The following MC2R variants were observed in gnomAD, a reference collection of about 807,000 sequenced individuals.
MC2R encodes adrenocorticotropic hormone receptor.
A neutral mutation model predicts 9.8 loss-of-function variants in MC2R; 9 were observed. The ratio of observed to expected loss-of-function variants is 0.92; its 90% CI spans 0.55 to 1.60. The LOEUF is 1.60. MC2R is among the 40% of genes most tolerant of loss of function. The pLI, the probability that MC2R is intolerant of heterozygous loss-of-function variation, is 0.00. For synonymous variants in MC2R, 185 were observed against 154.7 expected, an observed-to-expected ratio of 1.20 and a Z score of -1.45; for missense variants, 370 against 389.0, an observed-to-expected ratio of 0.95 and a Z score of 0.41.
Position 13,884,886 on chromosome 18 carries a change from G to C in MC2R, c.633C>G (p.Pro211=). The C allele has an allele frequency of 6.2e-7, 1 of 1,614,084 alleles. No individual in the cohort carries two copies. Among genetic ancestry groups the C allele is most frequent in the Non-Finnish European group, 8.5e-7 (1 of 1,180,006 alleles). The change falls in exon 2 of 2, where the codon CCC becomes CCG. Residue 211 remains proline (P), a synonymous_variant. Transcript: ENST00000327606. ...TGATGGCCCCTTTCATGTTGGCTCTGGGGAGGGTGGAGATCTTCCTGGTGT... is the reference window on the plus strand; with the variant it reads ...TGATGGCCCCTTTCATGTTGGCTCTCGGGAGGGTGGAGATCTTCCTGGTGT... ...RSHTRKISTL[P]RANMKGAITL... is the part of the protein sequence containing the mutation.
intron 1 of MC2R, among the ~76,000 whole-genome samples, chr18:13,892,841 CACACACCA>C (rs756911166): frequency 3.7e-5 from 5 of 136,204 alleles, no homozygotes; most frequent in East Asian, 2.2e-4. Context: ...CACACACACA[CACACACCA>C]CACACACACA....
intron 1 of MC2R, among the ~76,000 whole-genome samples, chr18:13,903,048 T>A (rs1400095958): frequency 6.6e-6 from 1 of 152,170 alleles, no homozygotes; most frequent in Non-Finnish European, 1.5e-5. Context: ...AATAGATGTA[T>A]CTCTAAAGAG....
intron 1 of MC2R, among the ~76,000 whole-genome samples, chr18:13,908,553 T>A (rs1218657958): frequency 6.6e-6 from 1 of 152,202 alleles, no homozygotes; most frequent in Admixed American, 6.5e-5. Context: ...GAAGAGACTT[T>A]AGGGTGATAG....
At position 13,887,251 on chromosome 18, in the gene MC2R, C is replaced by T. The variant is rs150221174; in HGVS notation, c.-128-1605G>A. ...GGAGGGGAAGCCTGTGTGCTGTGTC[C>T]CACCTGCTGGGGAAGCCTCAGGGAT... On this transcript the variant is annotated intron_variant, in intron 1 of 1. Coordinates refer to ENST00000327606, the MANE Select transcript of MC2R (RefSeq NM_000529.2). Among the ~76,000 whole-genome samples the T allele has an allele frequency of 3.4e-3, 394 of 114,934 alleles. 3 individuals carry two copies. The highest frequency in any genetic ancestry group is 0.012 in the African/African-American group (376 of 31,678). 75.4% of individuals were successfully genotyped at this position (114,934 alleles called of 152,430 possible).
intron 1 of MC2R, among the ~76,000 whole-genome samples, chr18:13,886,605 G>A (rs143911779): frequency 2.3e-4 from 35 of 152,292 alleles, no homozygotes; most frequent in African/African-American, 7.9e-4. Flanking sequence ...AACGGTAAAG[G>A]TGCTGATGTA....
intron 1 of MC2R, among the ~76,000 whole-genome samples, chr18:13,886,564 G>A (rs2045277453): frequency 6.6e-6 from 1 of 152,150 alleles, no homozygotes; most frequent in Non-Finnish European, 1.5e-5. Context: ...CGTCTCCCTG[G>A]GTCACTGCCT....
At chr18:13,901,276 C>T (rs779738765) in intron 1 of MC2R, among the ~76,000 whole-genome samples, 6 of 151,740 alleles carry the variant, frequency 4.0e-5, no homozygotes, top group Non-Finnish European at 5.9e-5. Context: ...CTATAAGTGC[C>T]TACATCAAAA....
intron 1 of MC2R, among the ~76,000 whole-genome samples, chr18:13,901,212 C>T (rs963709233): frequency 2.6e-5 from 4 of 151,782 alleles, no homozygotes; most frequent in African/African-American, 9.7e-5. Flanking sequence ...GCAAATACAA[C>T]ATACCCAAAC....
At chr18:13,900,354 A>G (rs2045371598) in intron 1 of MC2R, among the ~76,000 whole-genome samples, 1 of 152,118 alleles carries the variant, frequency 6.6e-6, no homozygotes, top group African/African-American at 2.4e-5. Flanking sequence ...AAGAAGGAAG[A>G]GAACACCAGA....
At position 13,883,296 on chromosome 18, in the gene MC2R, G is replaced by A. The variant is rs1270404999; in HGVS notation, c.*1329C>T. ...CTTAGTGGGGACTTACAATCAGGAT[G>A]TGCTTCTCCTTTAAGCTGATTTTTA... On this transcript the variant is annotated 3_prime_UTR_variant, in exon 2 of 2. Coordinates refer to ENST00000327606, the MANE Select transcript of MC2R (RefSeq NM_000529.2). 6.6e-6 allele frequency: 1 copy of A among 152,246 alleles called. No individual in the cohort carries two copies. Among genetic ancestry groups the A allele is most frequent in the Non-Finnish European group, 1.5e-5 (1 of 68,086 alleles). The allele number at this position is 152,246 out of a possible 1,614,324, so 9.4% of individuals were successfully genotyped here. A position where few individuals can be genotyped will look rare whatever the true frequency, so the allele number is the denominator to read the frequency against.
chr18:13,900,286 A>G (rs1490575250), intron 1 of MC2R, among the ~76,000 whole-genome samples: 1 of 152,138 alleles, frequency 6.6e-6, no homozygotes, highest in Non-Finnish European at 1.5e-5. Context: ...AAAGCAGGGA[A>G]CTAAATCATA....
chr18:13,901,417 A>T (rs2045379224), intron 1 of MC2R, among the ~76,000 whole-genome samples: 1 of 152,100 alleles, frequency 6.6e-6, no homozygotes, highest in African/African-American at 2.4e-5. Flanking sequence ...AATGAAATTG[A>T]AATGAAGAAA....
At chr18:13,902,353 A>G (rs568717180) in intron 1 of MC2R, among the ~76,000 whole-genome samples, 46 of 152,318 alleles carry the variant, frequency 3.0e-4, no homozygotes, top group Non-Finnish European at 1.5e-4. Context: ...TAAAATTTAT[A>G]TGGAACCACA....
At chr18:13,890,044 G>C (rs773229932) in intron 1 of MC2R, among the ~76,000 whole-genome samples, 2 of 152,188 alleles carry the variant, frequency 1.3e-5, no homozygotes, top group African/African-American at 2.4e-5. Context: ...AATGGCTTTA[G>C]TAAAAAAATG....
In MC2R at chr18:13,882,623, G is replaced by C. The variant is rs1392484767; in HGVS notation, c.*2002C>G. The C allele has an allele frequency of 6.6e-6, 1 of 152,184 alleles. No homozygotes were observed. The allele number at this position is 152,184 out of a possible 1,614,324, so 9.4% of individuals were successfully genotyped here. A position where few individuals can be genotyped will look rare whatever the true frequency, so the allele number is the denominator to read the frequency against. Reference sequence around the variant, plus strand: ...TGACAAAGGCAGAATTTTATAGGAAGAGCAGTTTGGGACTATTTATGATAC... The same window carrying C: ...TGACAAAGGCAGAATTTTATAGGAACAGCAGTTTGGGACTATTTATGATAC... On this transcript the variant is annotated 3_prime_UTR_variant, in exon 2 of 2. Transcript: ENST00000327606.
intron 1 of MC2R, among the ~76,000 whole-genome samples, chr18:13,890,352 C>T (rs1261122706): frequency 6.6e-6 from 1 of 152,156 alleles, no homozygotes; most frequent in Non-Finnish European, 1.5e-5. Context: ...GGTGTTTTCT[C>T]GGATTGCTCT....
At chr18:13,900,875 AC>A (rs2045375476) in intron 1 of MC2R, among the ~76,000 whole-genome samples, 1 of 152,162 alleles carries the variant, frequency 6.6e-6, no homozygotes, top group Non-Finnish European at 1.5e-5. Context: ...ATCAGATTTA[AC>A]CTGCAGTATA....
Position 13,885,126 on chromosome 18 carries a change from G to A in MC2R, c.393C>T (p.Thr131=). The change falls in exon 2 of 2, where the codon ACC becomes ACT. Residue 131 remains threonine (T), a synonymous_variant. Coordinates refer to ENST00000327606, the MANE Select transcript of MC2R (RefSeq NM_000529.2). ...TGTGGTACCGCAGTGCGTGGAAGATGGTGATGTAGCGGTCCGCAGCAATCA... is the reference window on the plus strand; with the variant it reads ...TGTGGTACCGCAGTGCGTGGAAGATAGTGATGTAGCGGTCCGCAGCAATCA... ...LSVIAADRYI[T]IFHALRYHSI... is the part of the protein sequence containing the mutation. 6.2e-7 allele frequency: 1 copy of A among 1,614,154 alleles called. No individual in the cohort carries two copies. Among genetic ancestry groups the A allele is most frequent in the Non-Finnish European group, 8.5e-7 (1 of 1,180,032 alleles).
At chr18:13,906,799 T>C (rs1056708850) in intron 1 of MC2R, among the ~76,000 whole-genome samples, 4 of 152,098 alleles carry the variant, frequency 2.6e-5, no homozygotes, top group African/African-American at 9.7e-5. Flanking sequence ...CAAATAAAAT[T>C]AAATACTTTG....
Sources: gnomAD v4.1 joint callset for allele counts (sites outside exome capture counted in the v4.1 genomes callset) on GRCh38, gnomAD v4.1.1 for gene constraint, MANE v1.5 for transcripts, NCBI Gene and HGNC (gene_info 2026-07-23, HGNC 2026-07-21) for gene names.